Variants in FREM2 observed in about 807,000 individuals in gnomAD.
The protein encoded by FREM2 is FRAS1-related extracellular matrix protein 2.
A neutral mutation model predicts 219.9 loss-of-function variants in FREM2; 119 were observed. That is an observed-to-expected ratio of 0.54 (90% CI 0.47 to 0.63). The LOEUF is 0.63. FREM2 is among the 30% of genes least tolerant of loss of function. The probability of loss-of-function intolerance (pLI) is 0.00; values close to 1 mark genes in which losing one functional copy is unlikely to be tolerated. For missense variants in FREM2, 4,030 were observed against 3,993.6 expected, an observed-to-expected ratio of 1.01 and a Z score of -0.25; for synonymous variants, 1,562 against 1,522.8, an observed-to-expected ratio of 1.03 and a Z score of -0.60.
chr13:38,886,890 C>T lies in FREM2; in HGVS notation c.*6103C>T, dbSNP rs191746034. The T allele has an allele frequency of 7.2e-5, 11 of 152,102 alleles. No individual in the cohort carries two copies. The highest frequency in any genetic ancestry group is 5.9e-4 in the Admixed American group (9 of 15,282). 9.4% of individuals were successfully genotyped at this position (152,102 alleles called of 1,614,324 possible). On this transcript the variant is annotated 3_prime_UTR_variant, in exon 24 of 24. Coordinates refer to ENST00000280481, the MANE Select transcript of FREM2 (RefSeq NM_207361.6). ...AGAATTTAATAGCCTTTTTTATTTTCGCATGAGAATTTTTCAAAAACTATC... is the reference window on the plus strand; with the variant it reads ...AGAATTTAATAGCCTTTTTTATTTTTGCATGAGAATTTTTCAAAAACTATC...
At chr13:38,777,894 T>C (rs1243687583) in intron 4 of FREM2, among the ~76,000 whole-genome samples, 2 of 152,214 alleles carry the variant, frequency 1.3e-5, no homozygotes, top group African/African-American at 4.8e-5. Flanking sequence ...CTATTTACTC[T>C]GTCAGATTGA....
At chr13:38,771,755 C>G (rs183116456) in intron 4 of FREM2, among the ~76,000 whole-genome samples, 2 of 152,164 alleles carry the variant, frequency 1.3e-5, no homozygotes, top group Non-Finnish European at 2.9e-5. Context: ...TTGGTATGCT[C>G]TGTGCCTTGT....
rs1157250297 is a variant in FREM2 at position 38,850,125 on chromosome 13, T to C, written c.6467T>C (p.Val2156Ala). Residue 2156 changes from valine (V) to alanine (A), a missense_variant, in exon 9 of 24, where the codon GTC becomes GCC. Transcript: ENST00000280481. ...ACAATGATCCATAGGACTGGGGATG[T>C]CCAGTACAGATCTTCAGTGAGATGC... is the stretch of plus-strand genomic sequence containing the variant. ...IVTMIHRTGD[V>A]QYRSSVRCYT... is the part of the protein sequence containing the mutation. The C allele has an allele frequency of 1.9e-6, 3 of 1,613,484 alleles. No individual in the cohort carries two copies. In the African/African-American group the frequency reaches 4.0e-5, roughly 22 times the overall value.
At chr13:38,720,185 T>G (rs1871165427) in intron 2 of FREM2, among the ~76,000 whole-genome samples, 1 of 152,238 alleles carries the variant, frequency 6.6e-6, no homozygotes, top group African/African-American at 2.4e-5. Flanking sequence ...TAATTTAGGC[T>G]TACAAACATG....
intron 2 of FREM2, among the ~76,000 whole-genome samples, chr13:38,737,128 T>G (rs1872031323): frequency 1.3e-5 from 2 of 152,322 alleles, no homozygotes; most frequent in Admixed American, 6.5e-5. Flanking sequence ...CAGTAGTGTG[T>G]TCTGTCCTGT....
intron 2 of FREM2, among the ~76,000 whole-genome samples, chr13:38,739,194 T>G (rs572075059): frequency 1.3e-5 from 2 of 152,254 alleles, no homozygotes; most frequent in South Asian, 2.1e-4. Flanking sequence ...CATCACTATT[T>G]TGTTAAGAAA....
chr13:38,707,414 A>G (rs888863906), intron 2 of FREM2, among the ~76,000 whole-genome samples: 2 of 152,198 alleles, frequency 1.3e-5, no homozygotes, highest in Admixed American at 1.3e-4. Context: ...TTTCATGCTA[A>G]GCTTAGAAAA....
chr13:38,778,585 C>G (rs1187412279), intron 4 of FREM2, among the ~76,000 whole-genome samples: 1 of 151,842 alleles, frequency 6.6e-6, no homozygotes, highest in African/African-American at 2.4e-5. Flanking sequence ...CATAACAAAC[C>G]CTAAAGGATG....
At chr13:38,865,766 A>G (rs1877940383) in intron 16 of FREM2, among the ~76,000 whole-genome samples, 1 of 152,238 alleles carries the variant, frequency 6.6e-6, no homozygotes. Flanking sequence ...AGAAATAGCA[A>G]TAGAGAAGCA....
At chr13:38,850,005 A>G (rs1394163113) in intron 8 of FREM2, 33 bp from the exon 9 acceptor site, 2 of 1,577,508 alleles carry the variant, frequency 1.3e-6, no homozygotes, top group Non-Finnish European at 1.7e-6. Context: ...CCACAAGGAA[A>G]TTTCTGTTCA....
chr13:38,766,413 GTGTGT>G (rs1370265826), intron 3 of FREM2, among the ~76,000 whole-genome samples: 73 of 152,244 alleles, frequency 4.8e-4, no homozygotes, highest in African/African-American at 1.7e-3. Context: ...GAAGCCTTCT[GTGTGT>G]GGCCCACATC....
At chr13:38,847,085 A>G (rs1459901088) in intron 7 of FREM2, among the ~76,000 whole-genome samples, 2 of 152,146 alleles carry the variant, frequency 1.3e-5, no homozygotes, top group Non-Finnish European at 2.9e-5. Flanking sequence ...ACAGAAACCT[A>G]TGACATTTAG....
At chr13:38,879,088 A>G in intron 23 of FREM2, 111 bp downstream of exon 23, 1 of 1,008,568 alleles carries the variant, frequency 9.9e-7, no homozygotes, top group Non-Finnish European at 1.6e-6. Context: ...GTAATATTGC[A>G]TACAGTTAAT....
rs1221926932 is a variant in FREM2, at chr13:38,856,212, A to T, written c.7012A>T (p.Thr2338Ser). The part of the protein sequence containing the change: ...DGVREMREAF[T>S]VHLKPDENMI... ...GGTGAGAGAGATGAGAGAGGCCTTC[A>T]CTGTTCACCTAAAACCTGATGAAAA... is the stretch of plus-strand genomic sequence containing the variant. The change falls in exon 12 of 24, where the codon ACT becomes TCT. Residue 2338 changes from threonine to serine, a missense_variant. Physicochemically the swap from Thr to Ser is moderately conservative, Grantham distance 58 (BLOSUM62 1). This residue lies in a region of FREM2 where 3,102 missense variants were observed against 2,950.7 expected (regional missense o/e 1.05). Transcript: ENST00000280481. 1 of 1,612,960 alleles carries T rather than the reference A, an allele frequency of 6.2e-7. No homozygotes were observed.
intron 2 of FREM2, among the ~76,000 whole-genome samples, chr13:38,708,602 T>C (rs1351117104): frequency 6.6e-6 from 1 of 152,014 alleles, no homozygotes; most frequent in Non-Finnish European, 1.5e-5. Flanking sequence ...TGTGGTGAGC[T>C]GAGATTGCGC....
chr13:38,840,293 T>C (rs1485249116), intron 6 of FREM2, among the ~76,000 whole-genome samples: 1 of 151,980 alleles, frequency 6.6e-6, no homozygotes, highest in Non-Finnish European at 1.5e-5. Context: ...ATCCACTGTC[T>C]GACCAGTCCT....
intron 2 of FREM2, among the ~76,000 whole-genome samples, chr13:38,718,979 T>A (rs1320119595): frequency 6.6e-6 from 1 of 152,220 alleles, no homozygotes; most frequent in Non-Finnish European, 1.5e-5. Flanking sequence ...TAATTTCCTA[T>A]TGCTGCTATA....
At chr13:38,807,188 GTTATATATATATATATATATAT>G (rs563735341) in intron 6 of FREM2, among the ~76,000 whole-genome samples, 3,715 of 66,442 alleles carry the variant, frequency 0.056, 471 homozygotes, top group African/African-American at 0.15. Flanking sequence ...TCTTGTCTCT[GTTATATATATATATATATATAT>G]ATATATATAT....
Position 38,807,345 on chromosome 13 carries a change from G to A in FREM2, c.6019+22537G>A, listed in dbSNP as rs191263954. Among the ~76,000 whole-genome samples the A allele has an allele frequency of 1.5e-3, 227 of 149,556 alleles. 2 individuals are homozygous for A. The Middle Eastern group carries it at 0.021, about 14-fold the overall frequency. ...TGACCTCAGCCTCCCAAATTACTGGGATGATAGCTGGGATTATAGGCATGA... is the reference window on the plus strand; with the variant it reads ...TGACCTCAGCCTCCCAAATTACTGGAATGATAGCTGGGATTATAGGCATGA... On this transcript the variant is annotated intron_variant, in intron 6 of 23. Coordinates refer to ENST00000280481, the MANE Select transcript of FREM2 (RefSeq NM_207361.6).
Sources: allele counts gnomAD v4.1 joint callset (sites outside exome capture counted in the v4.1 genomes callset), GRCh38; gene constraint gnomAD v4.1.1; regional missense constraint gnomAD v4.1.1; transcripts MANE v1.5; gene names NCBI Gene and HGNC (gene_info 2026-07-23, HGNC 2026-07-21).